Variants in PKD2 observed in about 807,000 individuals in gnomAD.
The protein encoded by PKD2 is polycystin 2, transient receptor potential cation channel.
A neutral mutation model predicts 105.9 loss-of-function variants in PKD2; 48 were observed. The ratio of observed to expected loss-of-function variants is 0.45; its 90% CI spans 0.36 to 0.58. The LOEUF is 0.58. Ranked by LOEUF, PKD2 falls within the 20% of genes least tolerant of loss-of-function variation. PKD2 has a pLI of 0.00. For synonymous variants in PKD2, 464 were observed against 481.1 expected, an observed-to-expected ratio of 0.96 and a Z score of 0.46; for missense variants, 1,078 against 1,255.3, an observed-to-expected ratio of 0.86 and a Z score of 2.13.
At chr4:88,030,794 C>T (rs1727119373) in intron 2 of PKD2, among the ~76,000 whole-genome samples, 1 of 152,234 alleles carries the variant, frequency 6.6e-6, no homozygotes, top group Non-Finnish European at 1.5e-5. Flanking sequence ...GTGCACCTCT[C>T]AGTGCCGACA....
intron 5 of PKD2, among the ~76,000 whole-genome samples, chr4:88,045,643 C>G (rs1560613365): frequency 6.6e-6 from 1 of 152,104 alleles, no homozygotes; most frequent in East Asian, 1.9e-4. Flanking sequence ...CTCAGTGTGA[C>G]ACCTACAAAA....
At chr4:88,013,388 C>G (rs572447548) in intron 1 of PKD2, among the ~76,000 whole-genome samples, 4 of 152,256 alleles carry the variant, frequency 2.6e-5, no homozygotes, top group African/African-American at 9.6e-5. Context: ...ATTGCAATGC[C>G]AGGTCCCAGA....
intron 10 of PKD2, 81 bp downstream of exon 10, chr4:88,062,085 A>G: frequency 1.3e-6 from 1 of 762,320 alleles, no homozygotes; most frequent in East Asian, 2.5e-5. Flanking sequence ...TCAAATCAAC[A>G]TTGATCCATT....
chr4:88,013,484 G>A (rs947343574), intron 1 of PKD2, among the ~76,000 whole-genome samples: 1 of 152,186 alleles, frequency 6.6e-6, no homozygotes, highest in African/African-American at 2.4e-5. Context: ...GCTGAGATGG[G>A]AGGATCACTT....
In PKD2 at chr4:88,007,776, G is replaced by A; in HGVS notation, c.43G>A (p.Ala15Thr). The change falls in exon 1 of 15, where the codon GCC (alanine) becomes ACC (threonine). Residue 15 changes from alanine to threonine, a missense_variant. Physicochemically the swap from Ala to Thr is moderately conservative, Grantham distance 58. Coordinates refer to ENST00000237596, the MANE Select transcript of PKD2 (RefSeq NM_000297.4). ...SRVQPQQPGD[A>T]KRPPAPRAPD... is the part of the protein sequence containing the mutation. ...CGTGCAGCCTCAGCAGCCCGGGGAC[G>A]CCAAGCGGCCGCCCGCGCCCCGCGC... 2 of 1,173,578 alleles carry A rather than the reference G, an allele frequency of 1.7e-6. No homozygotes were observed. Among genetic ancestry groups the A allele is most frequent in the South Asian group, 2.6e-5 (1 of 38,280 alleles). The allele number at this position is 1,173,578 out of a possible 1,614,324, so 72.7% of individuals were successfully genotyped here.
intron 2 of PKD2, among the ~76,000 whole-genome samples, chr4:88,029,538 C>T (rs1453858538): frequency 6.6e-6 from 1 of 152,142 alleles, no homozygotes; most frequent in Non-Finnish European, 1.5e-5. Context: ...GATGCTTTCC[C>T]TTCCCAGTCT....
rs1381990632 is a variant in PKD2 at position 88,075,448 on chromosome 4, C to T, written c.2671-10C>T. 2 of 1,606,070 alleles carry T rather than the reference C, an allele frequency of 1.2e-6. No individual in the cohort carries two copies. Among genetic ancestry groups the T allele is most frequent in the East Asian group, 2.2e-5 (1 of 44,852 alleles). On this transcript the variant is annotated splice_polypyrimidine_tract_variant and intron_variant, in intron 14 of 14. Coordinates refer to ENST00000237596, the MANE Select transcript of PKD2 (RefSeq NM_000297.4). The stretch of plus-strand genomic sequence containing the variant: ...CTGCCCCCAACACCAGTTTCTTTTT[C>T]CCTTTTTAGGATGAAAGGCTGGGTC...
chr4:88,045,159 A>G (rs17013743), intron 5 of PKD2, among the ~76,000 whole-genome samples: 15,124 of 152,244 alleles, frequency 0.099, 982 homozygotes, highest in East Asian at 0.2. Flanking sequence ...TCATTTCTCT[A>G]TACTGTTTTT....
intron 7 of PKD2, among the ~76,000 whole-genome samples, chr4:88,055,807 A>G (rs781302928): frequency 3.7e-4 from 56 of 152,276 alleles, no homozygotes; most frequent in Middle Eastern, 6.8e-3. Context: ...CTTTGTATCC[A>G]TTGAACACTA....
At chr4:88,014,607 A>G (rs1030481078) in intron 1 of PKD2, among the ~76,000 whole-genome samples, 5 of 152,218 alleles carry the variant, frequency 3.3e-5, no homozygotes, top group Non-Finnish European at 7.3e-5. Context: ...GTGTCCCTGC[A>G]ATTCAAGTGA....
chr4:88,074,704 G>A, intron 13 of PKD2, 108 bp from the exon 14 acceptor site: 1 of 1,143,054 alleles, frequency 8.7e-7, no homozygotes, highest in South Asian at 1.3e-5. Flanking sequence ...TGTTTCAAAT[G>A]ATTGTGTTGC....
At chr4:88,048,830 G>A (rs1183914829) in intron 6 of PKD2, among the ~76,000 whole-genome samples, 15 of 152,126 alleles carry the variant, frequency 9.9e-5, no homozygotes. Context: ...AGCATTTAAG[G>A]AAACAGGAGA....
intron 7 of PKD2, among the ~76,000 whole-genome samples, chr4:88,053,656 CAAA>C (rs10717181): frequency 9.3e-5 from 11 of 117,736 alleles, no homozygotes; most frequent in African/African-American, 2.0e-4. Context: ...GACCCTGTCT[CAAA>C]AAAAAAAAAA....
intron 1 of PKD2, among the ~76,000 whole-genome samples, chr4:88,013,588 G>A (rs1387845781): frequency 1.3e-5 from 2 of 152,074 alleles, no homozygotes; most frequent in East Asian, 1.9e-4. Context: ...TGTGGTCCCA[G>A]TTATTTGGGA....
intron 11 of PKD2, 112 bp downstream of exon 11, chr4:88,065,607 TTC>T: frequency 1.7e-5 from 21 of 1,251,000 alleles, no homozygotes; most frequent in Non-Finnish European, 2.1e-5. Context: ...TTTTTTTTTT[TTC>T]CAGAGGCAGG....
At chr4:88,062,627 G>A (rs895882065) in intron 10 of PKD2, among the ~76,000 whole-genome samples, 2 of 152,102 alleles carry the variant, frequency 1.3e-5, no homozygotes, top group African/African-American at 4.8e-5. Flanking sequence ...TCTTTATTTG[G>A]TTTAAAGTAT....
chr4:88,074,165 G>A (rs1721139440), intron 13 of PKD2, among the ~76,000 whole-genome samples: 1 of 152,082 alleles, frequency 6.6e-6, no homozygotes, highest in Admixed American at 6.6e-5. Flanking sequence ...TTTTGAGACT[G>A]GGTCTCACTC....
chr4:88,070,835 A>T (rs1288708258), intron 13 of PKD2, among the ~76,000 whole-genome samples: 1 of 151,738 alleles, frequency 6.6e-6, no homozygotes, highest in Non-Finnish European at 1.5e-5. Flanking sequence ...GCATCTTGTT[A>T]TGTTGCCCAG....
intron 2 of PKD2, among the ~76,000 whole-genome samples, chr4:88,035,114 G>A (rs1727287495): frequency 6.6e-6 from 1 of 152,120 alleles, no homozygotes; most frequent in Non-Finnish European, 1.5e-5. Flanking sequence ...CCATCTTACT[G>A]AAGAGGAAAC....
Sources: gnomAD v4.1 joint callset for allele counts (sites outside exome capture counted in the v4.1 genomes callset) on GRCh38, gnomAD v4.1.1 for gene constraint, MANE v1.5 for transcripts, NCBI Gene and HGNC (gene_info 2026-07-23, HGNC 2026-07-21) for gene names.